Variants in CPEB4 observed in about 807,000 individuals in gnomAD.
CPEB4 encodes cytoplasmic polyadenylation element binding protein 4, also known as cytoplasmic polyadenylation element-binding protein 4.
CPEB4 carries 12 observed loss-of-function variants against 72.5 expected under a neutral mutation model. The observed-to-expected ratio is 0.17, with a 90% confidence interval of 0.11 to 0.27. The LOEUF (loss-of-function observed/expected upper bound fraction) is 0.27, where lower values mean the gene tolerates loss of function less well. CPEB4 is among the 10% of genes least tolerant of loss of function. CPEB4 has a pLI of 1.00. For missense variants in CPEB4, 614 were observed against 908.5 expected (o/e 0.68, Z 4.17); for synonymous variants, 302 against 326.3 (o/e 0.93, Z 0.80).
At chr5:173,954,051 T>G (rs969892652) in intron 9 of CPEB4, among the ~76,000 whole-genome samples, 2 of 151,962 alleles carry the variant, frequency 1.3e-5, no homozygotes, top group African/African-American at 4.8e-5. Flanking sequence ...AGGGAAGCAA[T>G]ATATTGATTT....
At chr5:173,915,201 A>ATG (rs1293890427) in intron 2 of CPEB4, among the ~76,000 whole-genome samples, 2 of 152,210 alleles carry the variant, frequency 1.3e-5, no homozygotes, top group Non-Finnish European at 2.9e-5. Context: ...GAATTTCTTT[A>ATG]TGAATGTGTT....
At chr5:173,915,121 G>A (rs995953102) in intron 2 of CPEB4, among the ~76,000 whole-genome samples, 1 of 151,974 alleles carries the variant, frequency 6.6e-6, no homozygotes, top group Non-Finnish European at 1.5e-5. Context: ...ACTGTAATGC[G>A]GTTAAAAAAC....
At chr5:173,941,333 C>T (rs1485533644) in intron 3 of CPEB4, among the ~76,000 whole-genome samples, 2 of 152,122 alleles carry the variant, frequency 1.3e-5, no homozygotes, top group South Asian at 2.1e-4. Flanking sequence ...AAACTTAAGA[C>T]CTATTAAAGT....
chr5:173,949,484 CT>C (rs780298682), intron 5 of CPEB4, 23 bp from the exon 6 acceptor site: 15 of 1,502,644 alleles, frequency 1.0e-5, no homozygotes, highest in Non-Finnish European at 5.5e-6. Context: ...TTTAAATCTA[CT>C]GTTTTCCTTT....
At chr5:173,910,670 C>A in intron 2 of CPEB4, 66 bp downstream of exon 2, 1 of 1,025,072 alleles carries the variant, frequency 9.8e-7, no homozygotes. Flanking sequence ...ACTATTTAAT[C>A]TGATACACAG....
Position 173,961,251 on chromosome 5 carries a change from A to C in CPEB4, c.*5114A>C, listed in dbSNP as rs1428694558. 1.3e-5 allele frequency: 2 copies of C among 152,156 alleles called. No homozygotes were observed. Among genetic ancestry groups the C allele is most frequent in the East Asian group, 3.8e-4 (2 of 5,206 alleles). 9.4% of individuals were successfully genotyped at this position (152,156 alleles called of 1,614,324 possible). On this transcript the variant is annotated 3_prime_UTR_variant, in exon 10 of 10. Coordinates refer to ENST00000265085, the MANE Select transcript of CPEB4 (RefSeq NM_030627.4). Reference sequence around the variant, plus strand: ...CTTGAGGAAACCCCAGGGATGGGACACTGGAGATGTGGGTGGCATTTGGTT... The same window carrying C: ...CTTGAGGAAACCCCAGGGATGGGACCCTGGAGATGTGGGTGGCATTTGGTT...
rs777384834 is a variant in CPEB4, at chr5:173,889,781, T to G, written c.48T>G (p.Asn16Lys). ...TGCTAGTGCAAAGCAATACTGGGAA[T>G]AAATCTGCTTTTCCAGTCAGATTCC... ...FGVLVQSNTG[N>K]KSAFPVRFHP... The change falls in exon 1 of 10, where the codon AAT becomes AAG. Residue 16 changes from asparagine to lysine, a missense_variant. Around this residue, in one of 5 missense-constraint regions of CPEB4, gnomAD observed 7 missense variants for 26.1 expected, o/e 0.27. Coordinates refer to ENST00000265085, the MANE Select transcript of CPEB4 (RefSeq NM_030627.4). 52 of 1,613,674 alleles carry G rather than the reference T, an allele frequency of 3.2e-5. No homozygotes were observed. Among genetic ancestry groups the G allele is most frequent in the Non-Finnish European group, 4.3e-5 (51 of 1,179,864 alleles).
At chr5:173,945,573 A>C (rs1330857036) in intron 5 of CPEB4, among the ~76,000 whole-genome samples, 2 of 152,236 alleles carry the variant, frequency 1.3e-5, no homozygotes, top group African/African-American at 4.8e-5. Flanking sequence ...AATATAGCCT[A>C]CAGTTGTACT....
At chr5:173,951,662 T>G (rs1758220892) in intron 7 of CPEB4, among the ~76,000 whole-genome samples, 162 bp from the exon 8 acceptor site, 1 of 152,232 alleles carries the variant, frequency 6.6e-6, no homozygotes, top group East Asian at 1.9e-4. Context: ...AATGAAACGA[T>G]GGGTTGGGAT....
intron 3 of CPEB4, among the ~76,000 whole-genome samples, chr5:173,941,621 C>G (rs1434837774): frequency 6.6e-6 from 1 of 151,836 alleles, no homozygotes; most frequent in East Asian, 1.9e-4. Context: ...GGCTGTAACC[C>G]TGGGACTTTG....
chr5:173,894,951 T>C (rs1755952486), intron 1 of CPEB4, among the ~76,000 whole-genome samples: 1 of 152,230 alleles, frequency 6.6e-6, no homozygotes, highest in South Asian at 2.1e-4. Flanking sequence ...TATACTTGTT[T>C]ATCAACTTTA....
chr5:173,920,945 A>G (rs990018249), intron 2 of CPEB4, among the ~76,000 whole-genome samples: 15 of 152,180 alleles, frequency 9.9e-5, no homozygotes, highest in African/African-American at 3.4e-4. Flanking sequence ...TTTAGAAAAC[A>G]GTTGTTTAAA....
At chr5:173,899,633 G>T (rs1032705233) in intron 1 of CPEB4, among the ~76,000 whole-genome samples, 20 of 152,124 alleles carry the variant, frequency 1.3e-4, no homozygotes, top group African/African-American at 4.6e-4. Flanking sequence ...CTTTCTCTAG[G>T]TTCACACTTC....
rs368281165 is a variant in CPEB4, at chr5:173,951,792, G to A, written c.1666-32G>A. The A allele has an allele frequency of 2.2e-5, 29 of 1,314,726 alleles. No homozygotes were observed. In the African/African-American group the frequency reaches 2.9e-4, roughly 13 times the overall value. The allele number at this position is 1,314,726 out of a possible 1,614,324, so 81.4% of individuals were successfully genotyped here. ...TTTGCCCATGAATTGTCTGTATTGAGAATGAGACATTTTGGTTTGTACATT... is the reference window on the plus strand; with the variant it reads ...TTTGCCCATGAATTGTCTGTATTGAAAATGAGACATTTTGGTTTGTACATT... On this transcript the variant is annotated intron_variant, in intron 7 of 9. Coordinates refer to ENST00000265085, the MANE Select transcript of CPEB4 (RefSeq NM_030627.4).
intron 9 of CPEB4, 165 bp downstream of exon 9, chr5:173,953,437 C>T (rs1017334829): frequency 4.4e-6 from 2 of 459,598 alleles, no homozygotes; most frequent in Non-Finnish European, 7.5e-6. Flanking sequence ...CTATGAATTT[C>T]TTTTATCTTT....
chr5:173,932,426 G>C (rs186178100), intron 2 of CPEB4, 24 bp from the exon 3 acceptor site: 1 of 1,600,234 alleles, frequency 6.2e-7, no homozygotes, highest in Non-Finnish European at 8.5e-7. Context: ...AGTAAACTTA[G>C]TAACGGCCTT....
chr5:173,933,658 A>T (rs919932048), intron 3 of CPEB4, among the ~76,000 whole-genome samples: 1 of 152,240 alleles, frequency 6.6e-6, no homozygotes, highest in African/African-American at 2.4e-5. Flanking sequence ...ATATATATAC[A>T]TGCAGAAGAG....
In CPEB4 at chr5:173,890,863, G is replaced by T. The variant is rs1755788672; in HGVS notation, c.1125+5G>T. ...GACAACATTTTTCCTTTTCCGGTAA[G>T]ATTATGTTCCATTAATAGATTAGGA... is the stretch of plus-strand genomic sequence containing the variant. On this transcript the variant is annotated splice_donor_5th_base_variant and intron_variant, in intron 1 of 9. Transcript: ENST00000265085. 21 of 1,600,020 alleles carry T rather than the reference G, an allele frequency of 1.3e-5. No homozygotes were observed. Among genetic ancestry groups the T allele is most frequent in the East Asian group, 6.7e-5 (3 of 44,806 alleles).
intron 2 of CPEB4, among the ~76,000 whole-genome samples, chr5:173,925,522 A>G (rs903589479): frequency 2.0e-5 from 3 of 152,238 alleles, no homozygotes; most frequent in African/African-American, 7.2e-5. Context: ...AATTTATACC[A>G]TTAAATTATA....
Sources: gnomAD v4.1 joint callset for allele counts (sites outside exome capture counted in the v4.1 genomes callset) on GRCh38, gnomAD v4.1.1 for gene constraint, gnomAD v4.1.1 regional missense constraint, MANE v1.5 for transcripts, NCBI Gene and HGNC (gene_info 2026-07-23, HGNC 2026-07-21) for gene names.